Variants in EPHB1 observed in about 807,000 individuals in gnomAD.
The protein encoded by EPHB1 is EPH receptor B1.
In EPHB1, 30 loss-of-function variants were observed where a neutral mutation model predicts 94.4. That is an observed-to-expected ratio of 0.32 (90% CI 0.24 to 0.43). The LOEUF (loss-of-function observed/expected upper bound fraction) is 0.43, where lower values mean the gene tolerates loss of function less well. Among genes scored for constraint, EPHB1 ranks in the 20% least tolerant of loss-of-function variants. The pLI is 1.00. For synonymous variants in EPHB1, 522 were observed against 489.1 expected, an observed-to-expected ratio of 1.07 and a Z score of -0.89; for missense variants, 1,055 against 1,308.3, an observed-to-expected ratio of 0.81 and a Z score of 2.99.
chr3:135,107,361 C>T (rs1195878470), intron 4 of EPHB1, among the ~76,000 whole-genome samples: 1 of 152,166 alleles, frequency 6.6e-6, no homozygotes, highest in Non-Finnish European at 1.5e-5. Flanking sequence ...AATATTCTCC[C>T]CAATAATTGT....
intron 3 of EPHB1, among the ~76,000 whole-genome samples, chr3:134,963,125 C>A (rs1205564821): frequency 1.3e-5 from 2 of 148,354 alleles, no homozygotes; most frequent in Non-Finnish European, 3.0e-5. Context: ...CCTTCTTATA[C>A]CTTCTCTTGC....
intron 3 of EPHB1, among the ~76,000 whole-genome samples, chr3:135,084,504 C>G (rs1298161250): frequency 6.6e-6 from 1 of 152,118 alleles, no homozygotes; most frequent in Non-Finnish European, 1.5e-5. Context: ...CGGAGGTGTG[C>G]GCTGACTGGC....
intron 15 of EPHB1, among the ~76,000 whole-genome samples, chr3:135,255,817 G>A (rs1933358899): frequency 2.1e-5 from 3 of 143,522 alleles, no homozygotes; most frequent in Admixed American, 7.0e-5. Context: ...TGACAGTGGG[G>A]TGTTAAAGTC....
At chr3:134,796,797 C>T (rs2035837388) in intron 1 of EPHB1, among the ~76,000 whole-genome samples, 1 of 152,260 alleles carries the variant, frequency 6.6e-6, no homozygotes, top group African/African-American at 2.4e-5. Context: ...CGGTGTCCTG[C>T]TCCGGATGGA....
rs540096162 is a variant in EPHB1, at chr3:134,851,030, C to T, written c.58+55341C>T. 1.4e-4 allele frequency among the ~76,000 whole-genome samples: 21 copies of T among 152,368 alleles called. 1 individual carries two copies. The highest frequency in any genetic ancestry group is 1.2e-3 in the Admixed American group (19 of 15,310). On this transcript the variant is annotated intron_variant, in intron 1 of 15. Coordinates refer to ENST00000398015, the MANE Select transcript of EPHB1 (RefSeq NM_004441.5). ...CTTTTTCTCCTCTTCCTGGTTGGAC[C>T]ATTGCCTTCTTTCCTCCTGGACTGA...
chr3:135,095,237 G>T (rs542114984), intron 3 of EPHB1, among the ~76,000 whole-genome samples: 7 of 152,242 alleles, frequency 4.6e-5, no homozygotes, highest in African/African-American at 1.7e-4. Flanking sequence ...GCTTTCTGGG[G>T]TCAGCAGGAC....
intron 2 of EPHB1, among the ~76,000 whole-genome samples, chr3:134,926,133 C>G (rs36186): frequency 0.56 from 85,799 of 152,028 alleles, 25,834 homozygotes; most frequent in African/African-American, 0.79. Context: ...CTAGGGCCAT[C>G]GCTGTGTGGG....
chr3:135,080,163 GAGAA>G (rs1196490977), intron 3 of EPHB1, among the ~76,000 whole-genome samples: 1 of 152,214 alleles, frequency 6.6e-6, no homozygotes, highest in African/African-American at 2.4e-5. Flanking sequence ...TTGGGAAAGG[GAGAA>G]AGGGGAGAGA....
chr3:135,085,711 G>T (rs565852293), intron 3 of EPHB1, among the ~76,000 whole-genome samples: 2 of 152,294 alleles, frequency 1.3e-5, no homozygotes, highest in East Asian at 3.9e-4. Context: ...TGAGGCAGCT[G>T]GGCCTTGCCC....
intron 5 of EPHB1, among the ~76,000 whole-genome samples, chr3:135,136,163 T>A (rs1940612516): frequency 6.6e-6 from 1 of 152,188 alleles, no homozygotes; most frequent in Non-Finnish European, 1.5e-5. Flanking sequence ...TCTCCAACAA[T>A]AGGCTCTTCT....
At chr3:134,895,799 A>AT (rs1178491305) in intron 1 of EPHB1, among the ~76,000 whole-genome samples, 2 of 152,212 alleles carry the variant, frequency 1.3e-5, no homozygotes, top group East Asian at 3.9e-4. Flanking sequence ...TATCTTCTGC[A>AT]TTTTGAAAAG....
At chr3:134,948,794 G>A (rs2039264702) in intron 2 of EPHB1, among the ~76,000 whole-genome samples, 1 of 152,260 alleles carries the variant, frequency 6.6e-6, no homozygotes, top group African/African-American at 2.4e-5. Context: ...CTGACTCCTT[G>A]GGGAGGTAGG....
chr3:134,974,669 C>G (rs985189475), intron 3 of EPHB1, among the ~76,000 whole-genome samples: 16 of 151,050 alleles, frequency 1.1e-4, no homozygotes, highest in African/African-American at 3.7e-4. Context: ...TTTTTGATTT[C>G]CTGCTCCAGT....
chr3:134,909,115 C>T (rs77643028), intron 1 of EPHB1, among the ~76,000 whole-genome samples: 14 of 92,784 alleles, frequency 1.5e-4, no homozygotes, highest in African/African-American at 4.0e-4. Flanking sequence ...AAGGTGGGGG[C>T]GGGGGGCGGG....
intron 7 of EPHB1, among the ~76,000 whole-genome samples, 190 bp downstream of exon 7, chr3:135,162,370 G>A (rs887402641): frequency 2.0e-5 from 3 of 152,148 alleles, no homozygotes; most frequent in African/African-American, 4.8e-5. Context: ...CTCTCCCAAC[G>A]CCTGGTTGGA....
intron 1 of EPHB1, among the ~76,000 whole-genome samples, chr3:134,830,084 A>T (rs917304779): frequency 6.6e-6 from 1 of 152,150 alleles, no homozygotes; most frequent in Admixed American, 6.5e-5. Context: ...CAGGAAGCTA[A>T]TACAGCCCTT....
chr3:135,164,907 GTT>G (rs1307080658), intron 7 of EPHB1, among the ~76,000 whole-genome samples: 1 of 149,016 alleles, frequency 6.7e-6, no homozygotes, highest in African/African-American at 2.5e-5. Context: ...CAAAAATTAT[GTT>G]TTAGTGTAAG....
At chr3:134,799,517 G>A (rs576810577) in intron 1 of EPHB1, among the ~76,000 whole-genome samples, 19 of 152,358 alleles carry the variant, frequency 1.2e-4, no homozygotes, top group South Asian at 1.2e-3. Flanking sequence ...GAATGCTGGC[G>A]AGGGAGGGCA....
At chr3:134,910,595 C>T (rs973884825) in intron 1 of EPHB1, among the ~76,000 whole-genome samples, 5 of 152,174 alleles carry the variant, frequency 3.3e-5, no homozygotes, top group Non-Finnish European at 7.3e-5. Flanking sequence ...GAGGACATAG[C>T]AGCATGAGTG....
Sources: gnomAD v4.1 joint callset for allele counts (sites outside exome capture counted in the v4.1 genomes callset) on GRCh38, gnomAD v4.1.1 for gene constraint, MANE v1.5 for transcripts, NCBI Gene and HGNC (gene_info 2026-07-23, HGNC 2026-07-21) for gene names.